The following GRM8 variants were observed in gnomAD, a reference collection of about 807,000 sequenced individuals.
GRM8 encodes glutamate metabotropic receptor 8, also known as metabotropic glutamate receptor 8.
In GRM8, 47 loss-of-function variants were observed where a neutral mutation model predicts 87.2. The ratio of observed to expected loss-of-function variants is 0.54; its 90% confidence interval spans 0.43 to 0.69. The LOEUF is 0.69. GRM8 is among the 30% of genes least tolerant of loss of function. GRM8 has a pLI of 0.00. For synonymous variants in GRM8, 396 were observed against 404.5 expected, an observed-to-expected ratio of 0.98 and a Z score of 0.25; for missense variants, 1,019 against 1,139.2, an observed-to-expected ratio of 0.89 and a Z score of 1.52.
At chr7:126,969,812 A>G (rs1382335075) in intron 3 of GRM8, among the ~76,000 whole-genome samples, 1 of 152,176 alleles carries the variant, frequency 6.6e-6, no homozygotes, top group Non-Finnish European at 1.5e-5. Context: ...TAGGAAACCT[A>G]TAACCTTAAA....
At chr7:126,537,114 T>G (rs951580531) in intron 8 of GRM8, among the ~76,000 whole-genome samples, 10 of 152,320 alleles carry the variant, frequency 6.6e-5, no homozygotes, top group African/African-American at 2.2e-4. Flanking sequence ...ACGTTTTTCA[T>G]AAATTAAAAA....
chr7:126,505,685 A>G (rs1810349748), intron 9 of GRM8, among the ~76,000 whole-genome samples: 1 of 152,078 alleles, frequency 6.6e-6, no homozygotes, highest in African/African-American at 2.4e-5. Flanking sequence ...GCTTTTTAAG[A>G]ACAGCTTGTT....
chr7:126,745,501 A>G (rs1815553530), intron 7 of GRM8, among the ~76,000 whole-genome samples: 1 of 151,060 alleles, frequency 6.6e-6, no homozygotes, highest in Non-Finnish European at 1.5e-5. Context: ...CTTCACTTGA[A>G]TATTCCACAG....
chr7:126,748,602 GTTTTTT>G (rs35336284), intron 7 of GRM8, among the ~76,000 whole-genome samples: 1 of 118,778 alleles, frequency 8.4e-6, no homozygotes, highest in African/African-American at 3.1e-5. Context: ...AGCAGGTCGG[GTTTTTT>G]TTTTTTTTTT....
intron 7 of GRM8, among the ~76,000 whole-genome samples, chr7:126,689,424 A>G (rs1368385134): frequency 6.6e-6 from 1 of 152,254 alleles, no homozygotes; most frequent in Non-Finnish European, 1.5e-5. Flanking sequence ...AAAATGTTTT[A>G]GCACTGGGCC....
chr7:127,083,219 C>T (rs17869575), intron 3 of GRM8, among the ~76,000 whole-genome samples: 2,779 of 152,238 alleles, frequency 0.018, 95 homozygotes, highest in African/African-American at 0.063. Context: ...GTTTTCCTCA[C>T]TTTCGTTGAT....
At chr7:126,708,393 T>A (rs193153423) in intron 7 of GRM8, among the ~76,000 whole-genome samples, 1 of 152,018 alleles carries the variant, frequency 6.6e-6, no homozygotes, top group African/African-American at 2.4e-5. Context: ...TCCAAAGGAA[T>A]GAAATCAGTT....
chr7:126,844,174 G>T (rs1385662010), intron 6 of GRM8, among the ~76,000 whole-genome samples: 3 of 152,144 alleles, frequency 2.0e-5, no homozygotes, highest in Non-Finnish European at 4.4e-5. Context: ...AGCATTTATA[G>T]AACAACATTT....
chr7:126,734,808 T>C (rs1301413809), intron 7 of GRM8, among the ~76,000 whole-genome samples: 4 of 152,008 alleles, frequency 2.6e-5, no homozygotes, highest in Non-Finnish European at 4.4e-5. Context: ...AACATGAACT[T>C]ATCAGGTAAG....
chr7:126,888,314 GTGC>G (rs1229545260), intron 6 of GRM8, among the ~76,000 whole-genome samples: 3 of 152,036 alleles, frequency 2.0e-5, no homozygotes, highest in Admixed American at 2.0e-4. Context: ...ATCCTTCTGC[GTGC>G]TGCTAATAAG....
intron 3 of GRM8, among the ~76,000 whole-genome samples, chr7:127,078,823 T>G (rs1398034074): frequency 6.6e-6 from 1 of 152,218 alleles, no homozygotes; most frequent in African/African-American, 2.4e-5. Flanking sequence ...GTATAATTAT[T>G]TTAGAATTAG....
At chr7:127,216,788 T>C (rs1165369843) in intron 2 of GRM8, among the ~76,000 whole-genome samples, 3 of 152,180 alleles carry the variant, frequency 2.0e-5, no homozygotes, top group South Asian at 4.1e-4. Flanking sequence ...GCCTAGTTCA[T>C]TCTCACTTTA....
At chr7:127,037,532 G>A (rs1488885717) in intron 3 of GRM8, among the ~76,000 whole-genome samples, 9 of 152,090 alleles carry the variant, frequency 5.9e-5, no homozygotes, top group African/African-American at 1.9e-4. Context: ...CAACTTACCT[G>A]GCATTCTGGA....
intron 7 of GRM8, among the ~76,000 whole-genome samples, chr7:126,652,302 C>T (rs1452366335): frequency 6.6e-6 from 1 of 152,058 alleles, no homozygotes; most frequent in African/African-American, 2.4e-5. Context: ...TTATTATTGT[C>T]TTTATTTGAA....
At chr7:126,876,623 C>T (rs1323756297) in intron 6 of GRM8, among the ~76,000 whole-genome samples, 4 of 152,052 alleles carry the variant, frequency 2.6e-5, no homozygotes, top group East Asian at 3.9e-4. Context: ...AACAGTTTTT[C>T]GTCATATAAG....
At chr7:127,054,678 A>G (rs1401619913) in intron 3 of GRM8, among the ~76,000 whole-genome samples, 1 of 152,202 alleles carries the variant, frequency 6.6e-6, no homozygotes, top group Non-Finnish European at 1.5e-5. Context: ...GAGCCACAGG[A>G]TTCTGTTCTG....
rs565213016 is a variant in GRM8 at position 126,699,152 on chromosome 7, C to T, written c.1357+70713G>A. 1.6e-3 allele frequency among the ~76,000 whole-genome samples: 251 copies of T among 152,240 alleles called. 2 individuals carry two copies. Among genetic ancestry groups the T allele is most frequent in the African/African-American group, 5.9e-3 (244 of 41,546 alleles). On this transcript the variant is annotated intron_variant, in intron 7 of 10. Transcript: ENST00000339582. ...AGGCAGAGCTAATCACTTAACCTCC[C>T]AGTGAATTAATGGGTTCATCTGTAA...
At position 127,232,183 on chromosome 7, in the gene GRM8, T is replaced by TTGTGTGTG. The variant is rs71529431; in HGVS notation, c.510+10504_510+10511dup. Among the ~76,000 whole-genome samples, 1,071 of 129,712 alleles carry TTGTGTGTG rather than the reference T, an allele frequency of 8.3e-3. 17 individuals are homozygous for TTGTGTGTG. The highest frequency in any genetic ancestry group is 0.028 in the African/African-American group (896 of 32,150). 85.1% of individuals were successfully genotyped at this position (129,712 alleles called of 152,430 possible). A position where few individuals can be genotyped will look rare whatever the true frequency, so the allele number is the denominator to read the frequency against. ...ACCTGCCATCAGTTCTGTTTCTTCT[T>TTGTGTGTG]TGTGTGTGTGTGTGTGTGTGTGTGT... On this transcript the variant is annotated intron_variant, in intron 2 of 10. Transcript: ENST00000339582.
At chr7:126,694,109 A>AAACT (rs76543938) in intron 7 of GRM8, among the ~76,000 whole-genome samples, 2,029 of 151,996 alleles carry the variant, frequency 0.013, 44 homozygotes, top group African/African-American at 0.045. Context: ...AAAACAAACT[A>AAACT]AACTATATAT....
Sources: allele counts gnomAD v4.1 joint callset (sites outside exome capture counted in the v4.1 genomes callset), GRCh38; gene constraint gnomAD v4.1.1; transcripts MANE v1.5; gene names NCBI Gene and HGNC (gene_info 2026-07-23, HGNC 2026-07-21).